FIZ1: variants seen among roughly 807,000 people sequenced by gnomAD.
FIZ1 encodes the protein FLT3 interacting zinc finger 1.
Under a neutral mutation model 5.3 loss-of-function variants are expected in FIZ1, and 2 were observed. The ratio of observed to expected loss-of-function variants is 0.37; its 90% confidence interval spans 0.15 to 1.18. FIZ1 has a LOEUF of 1.18. FIZ1 is among the 50% of genes most tolerant of loss of function. The probability of loss-of-function intolerance (pLI) is 0.37; values close to 1 mark genes in which losing one functional copy is unlikely to be tolerated. For missense variants in FIZ1, 631 were observed against 749.7 expected, an observed-to-expected ratio of 0.84 and a Z score of 1.85; for synonymous variants, 407 against 364.2, an observed-to-expected ratio of 1.12 and a Z score of -1.34.
Position 55,592,604 on chromosome 19 carries a change from T to A in FIZ1, c.1337A>T (p.Glu446Val). ...CTCGTGGCGGAAGAACTTGCCGCAC[T>A]CCAGGCACGGGAACGGCTTCTCGCC... ...HTGEKPFPCL[E>V]CGKFFRHECY... Residue 446 changes from glutamate to valine, a missense_variant, in exon 3 of 3, where the codon GAG (glutamate) becomes GTG (valine). Coordinates refer to ENST00000221665, the MANE Select transcript of FIZ1 (RefSeq NM_032836.3). The surrounding 1 kb of genome is among the most constrained non-coding windows in gnomAD (Gnocchi z 6.9). 6.2e-7 allele frequency: 1 copy of A among 1,613,526 alleles called. No homozygotes were observed. Among genetic ancestry groups the A allele is most frequent in the Non-Finnish European group, 8.5e-7 (1 of 1,179,836 alleles).
At position 55,593,415 on chromosome 19, in the gene FIZ1, C is replaced by T. The variant is rs927349406; in HGVS notation, c.526G>A (p.Gly176Arg). 2.7e-6 allele frequency: 4 copies of T among 1,492,988 alleles called. No individual in the cohort carries two copies. In the African/African-American group the frequency reaches 4.3e-5, roughly 16 times the overall value. 92.5% of individuals were successfully genotyped at this position (1,492,988 alleles called of 1,614,324 possible). ...CAGCTGCCCAGACCCGCGCCTGCCC[C>T]CTCGGGGCCCTCTCCGCCGCCGGCC... ...SGAGGGEGPE[G>R]AGAGLGSWGL... Residue 176 changes from glycine to arginine, a missense_variant, in exon 3 of 3, where the codon GGG becomes AGG. This residue lies in a region of FIZ1 where 463 missense variants were observed against 455.1 expected (regional missense o/e 1.02). Transcript: ENST00000221665. The surrounding 1 kb of genome is among the most constrained non-coding windows in gnomAD (Gnocchi z 6.3).
At position 55,593,427 on chromosome 19, in the gene FIZ1, C is replaced by G. The variant is rs1470893805; in HGVS notation, c.514G>C (p.Glu172Gln). The G allele has an allele frequency of 1.1e-5, 16 of 1,519,886 alleles. No homozygotes were observed. Among genetic ancestry groups the G allele is most frequent in the Non-Finnish European group, 1.4e-5 (16 of 1,136,738 alleles). 94.1% of individuals were successfully genotyped at this position (1,519,886 alleles called of 1,614,324 possible). ...CCCGCGCCTGCCCCCTCGGGGCCCT[C>G]TCCGCCGCCGGCCCCTGAGCCCCCG... is the stretch of plus-strand genomic sequence containing the variant. ...VCGGSGAGGG[E>Q]GPEGAGAGLG... Residue 172 changes from glutamate to glutamine, a missense_variant, in exon 3 of 3, where the codon GAG becomes CAG. By Grantham distance (29) the Glu-to-Gln change is conservative. Around this residue, in one of 4 missense-constraint regions of FIZ1, gnomAD observed 463 missense variants for 455.1 expected, o/e 1.02. Transcript: ENST00000221665. The surrounding 1 kb of genome is among the most constrained non-coding windows in gnomAD (Gnocchi z 6.3).
At chr19:55,596,407 CAG>C (rs1980328559) in intron 2 of FIZ1, among the ~76,000 whole-genome samples, 1 of 152,146 alleles carries the variant, frequency 6.6e-6, no homozygotes, top group Non-Finnish European at 1.5e-5. Flanking sequence ...GGCACATAGA[CAG>C]AGTGTGACCT....
In FIZ1 at chr19:55,592,479, G is replaced by T; in HGVS notation, c.1462C>A (p.His488Asn). Reference sequence around the variant, plus strand: ...TCCATGCCCCGGTGCAGCTTCAGGTGCCTGGAGAGGTTGCTGAGCGTGATG... The same window carrying T: ...TCCATGCCCCGGTGCAGCTTCAGGTTCCTGGAGAGGTTGCTGAGCGTGATG... Reference protein sequence around the residue: ...GFITLSNLSRHLKLHRGMD With the variant: ...GFITLSNLSRNLKLHRGMD The change falls in exon 3 of 3, where the codon CAC (histidine) becomes AAC (asparagine). Residue 488 changes from histidine (H) to asparagine (N), a missense_variant. Transcript: ENST00000221665. The surrounding 1 kb of genome is among the most constrained non-coding windows in gnomAD (Gnocchi z 6.9). 6.3e-7 allele frequency: 1 copy of T among 1,586,038 alleles called. No individual in the cohort carries two copies. Among genetic ancestry groups the T allele is most frequent in the Admixed American group, 1.8e-5 (1 of 55,284 alleles).
intron 2 of FIZ1, among the ~76,000 whole-genome samples, chr19:55,595,932 C>A (rs1483218087): frequency 6.6e-6 from 1 of 152,206 alleles, no homozygotes; most frequent in East Asian, 1.9e-4. Context: ...CATTGATTAA[C>A]CTAGTTGTTC....
At chr19:55,597,516 ATCCCACCGTAG>A in intron 2 of FIZ1, 45 bp downstream of exon 2, 1 of 1,559,276 alleles carries the variant, frequency 6.4e-7, no homozygotes, top group Non-Finnish European at 8.7e-7. Flanking sequence ...GGGGCGCGGG[ATCCCACCGTAG>A]TCCTGACCAG....
rs1980114193 is a variant in FIZ1 at position 55,593,095 on chromosome 19, C to T, written c.846G>A (p.Ala282=). The T allele has an allele frequency of 5.3e-6, 7 of 1,329,408 alleles. No homozygotes were observed. The highest frequency in any genetic ancestry group is 6.7e-6 in the Non-Finnish European group (7 of 1,045,286). 82.4% of individuals were successfully genotyped at this position (1,329,408 alleles called of 1,614,324 possible). A position where few individuals can be genotyped will look rare whatever the true frequency, so the allele number is the denominator to read the frequency against. The change falls in exon 3 of 3, where the codon GCG becomes GCA. Residue 282 remains alanine (A), a synonymous_variant. Transcript: ENST00000221665. This position sits in a 1 kb window ranked among gnomAD's most constrained non-coding sequence, Gnocchi z 6.3. The part of the protein sequence containing the change: ...ETAGEGTAAE[A]GDAPLASDRR... The stretch of plus-strand genomic sequence containing the variant: ...GGTCCGAAGCCAGAGGAGCGTCGCC[C>T]GCCTCCGCAGCGGTGCCTTCGCCCG...
chr19:55,598,069 C>G, intron 1 of FIZ1, 168 bp from the exon 2 acceptor site: 2 of 819,032 alleles, frequency 2.4e-6, no homozygotes, highest in Non-Finnish European at 3.7e-6. Context: ...CTTAGAAACC[C>G]TTCTCTCGCG....
Position 55,597,461 on chromosome 19 carries a change from G to A in FIZ1, c.294+111C>T, listed in dbSNP as rs533063727. 1.9e-5 allele frequency: 27 copies of A among 1,443,290 alleles called. No individual in the cohort carries two copies. In the East Asian group the frequency reaches 6.0e-4, roughly 32 times the overall value. The allele number at this position is 1,443,290 out of a possible 1,614,324, so 89.4% of individuals were successfully genotyped here. A position where few individuals can be genotyped will look rare whatever the true frequency, so the allele number is the denominator to read the frequency against. ...GGGACATTTTCTAATGGGAGGAGGC[G>A]GGCGCCTAGGCCTTGGGCCAGCTTC... is the stretch of plus-strand genomic sequence containing the variant. On this transcript the variant is annotated intron_variant, in intron 2 of 2. Transcript: ENST00000221665.
At chr19:55,594,961 T>A (rs1980253548) in intron 2 of FIZ1, among the ~76,000 whole-genome samples, 1 of 152,188 alleles carries the variant, frequency 6.6e-6, no homozygotes, top group African/African-American at 2.4e-5. Flanking sequence ...GGGAATCACT[T>A]CCAAGTCTAG....
At position 55,593,215 on chromosome 19, in the gene FIZ1, C is replaced by G; in HGVS notation, c.726G>C (p.Leu242=). 1 of 1,221,528 alleles carries G rather than the reference C, an allele frequency of 8.2e-7. No individual in the cohort carries two copies. Among genetic ancestry groups the G allele is most frequent in the South Asian group, 2.1e-5 (1 of 47,436 alleles). The allele number at this position is 1,221,528 out of a possible 1,614,324, so 75.7% of individuals were successfully genotyped here. The change falls in exon 3 of 3, where the codon CTG becomes CTC. Residue 242 remains leucine, a synonymous_variant. Transcript: ENST00000221665. The surrounding 1 kb of genome is among the most constrained non-coding windows in gnomAD (Gnocchi z 6.3). ...RCERDFNAPA[L]LERHKLTHDL... ...CGTGCGTCAGCTTGTGCCGCTCCAGCAGCGCGGGCGCGTTGAAGTCGCGCT... is the reference window on the plus strand; with the variant it reads ...CGTGCGTCAGCTTGTGCCGCTCCAGGAGCGCGGGCGCGTTGAAGTCGCGCT...
chr19:55,592,821 C>T lies in FIZ1; in HGVS notation c.1120G>A (p.Glu374Lys), dbSNP rs540598696. ...CCGTGGCTGACCCGCCGGTGCTCCTCCAAGGCGGCCAGCGCCGCGTACAGA... is the reference window on the plus strand; with the variant it reads ...CCGTGGCTGACCCGCCGGTGCTCCTTCAAGGCGGCCAGCGCCGCGTACAGA... The part of the protein sequence containing the change: ...GALYAALAAL[E>K]EHRRVSHGEG... The change falls in exon 3 of 3, where the codon GAG becomes AAG. Residue 374 changes from glutamate to lysine, a missense_variant. Glu to Lys is a moderately conservative substitution (Grantham distance 56). Transcript: ENST00000221665. This position sits in a 1 kb window ranked among gnomAD's most constrained non-coding sequence, Gnocchi z 6.9. 3 of 1,576,590 alleles carry T rather than the reference C, an allele frequency of 1.9e-6. No homozygotes were observed. In the African/African-American group the frequency reaches 4.0e-5, roughly 21 times the overall value.
chr19:55,593,597 C>T lies in FIZ1; in HGVS notation c.344G>A (p.Arg115His). The change falls in exon 3 of 3, where the codon CGC becomes CAC. Residue 115 changes from arginine to histidine, a missense_variant. By Grantham distance (29) the Arg-to-His change is conservative (BLOSUM62 0). Around this residue, in one of 4 missense-constraint regions of FIZ1, gnomAD observed 68 missense variants for 163.4 expected, o/e 0.42. Transcript: ENST00000221665. This position sits in a 1 kb window ranked among gnomAD's most constrained non-coding sequence, Gnocchi z 6.3. ...GCCCAGGCTGGAGCGTGAGGAGAAGCGGAGCTCGCAGACCAGGCAGCAGTA... is the reference window on the plus strand; with the variant it reads ...GCCCAGGCTGGAGCGTGAGGAGAAGTGGAGCTCGCAGACCAGGCAGCAGTA... The part of the protein sequence containing the change: ...KPYCCLVCEL[R>H]FSSRSSLGRH... 2 of 1,551,384 alleles carry T rather than the reference C, an allele frequency of 1.3e-6. No individual in the cohort carries two copies. The highest frequency in any genetic ancestry group is 1.7e-6 in the Non-Finnish European group (2 of 1,146,982).
Position 55,593,749 on chromosome 19 carries a change from C to T in FIZ1, c.295-103G>A. On this transcript the variant is annotated intron_variant, in intron 2 of 2. Coordinates refer to ENST00000221665, the MANE Select transcript of FIZ1 (RefSeq NM_032836.3). This position sits in a 1 kb window ranked among gnomAD's most constrained non-coding sequence, Gnocchi z 6.3. Reference sequence around the variant, plus strand: ...GTTGTGGCACAAGCTCTCTGTCACACCTACAGGGCCATGATCTAGGGAAAC... The same window carrying T: ...GTTGTGGCACAAGCTCTCTGTCACATCTACAGGGCCATGATCTAGGGAAAC... 9.8e-7 allele frequency: 1 copy of T among 1,019,094 alleles called. No individual in the cohort carries two copies. 63.1% of individuals were successfully genotyped at this position (1,019,094 alleles called of 1,614,324 possible).
At chr19:55,595,255 C>A (rs924781108) in intron 2 of FIZ1, among the ~76,000 whole-genome samples, 1 of 152,146 alleles carries the variant, frequency 6.6e-6, no homozygotes, top group Non-Finnish European at 1.5e-5. Context: ...GAGTGATGTT[C>A]ATTTGCCTTT....
intron 2 of FIZ1, among the ~76,000 whole-genome samples, chr19:55,597,319 G>C (rs555738352): frequency 6.6e-6 from 1 of 152,218 alleles, no homozygotes; most frequent in Non-Finnish European, 1.5e-5. Context: ...GAGATGGGGC[G>C]GGCAGGAGCC....
chr19:55,597,987 G>C, intron 1 of FIZ1, 86 bp from the exon 2 acceptor site: 1 of 1,393,432 alleles, frequency 7.2e-7, no homozygotes, highest in East Asian at 2.5e-5. Flanking sequence ...CCCACCACCT[G>C]TCCCCTGGGA....
intron 2 of FIZ1, among the ~76,000 whole-genome samples, chr19:55,597,057 T>G (rs546428569): frequency 1.1e-3 from 168 of 152,340 alleles, no homozygotes; most frequent in African/African-American, 4.0e-3. Context: ...TCTTGTCTAC[T>G]TGGCTACTGA....
In FIZ1 at chr19:55,593,551, G is replaced by A. The variant is rs1255334873; in HGVS notation, c.390C>T (p.His130=). ...GCAGGGGAGAGGGGAGAACCCCACG[G>A]TGCTGGCGCTTGAGGTGGCGGCCCA... ...SSLGRHLKRQ[H]RGVLPSPLQP... The change falls in exon 3 of 3, where the codon CAC becomes CAT. Residue 130 remains histidine (H), a synonymous_variant. Coordinates refer to ENST00000221665, the MANE Select transcript of FIZ1 (RefSeq NM_032836.3). The surrounding 1 kb of genome is among the most constrained non-coding windows in gnomAD (Gnocchi z 6.3). 4 of 1,551,096 alleles carry A rather than the reference G, an allele frequency of 2.6e-6. No individual in the cohort carries two copies. The highest frequency in any genetic ancestry group is 3.5e-6 in the Non-Finnish European group (4 of 1,146,938).
Sources: gnomAD v4.1 joint callset for allele counts (sites outside exome capture counted in the v4.1 genomes callset) on GRCh38, gnomAD v4.1.1 for gene constraint, gnomAD v4.1.1 regional missense constraint, Gnocchi (gnomAD v3.1) non-coding constraint, MANE v1.5 for transcripts, NCBI Gene and HGNC (gene_info 2026-07-23, HGNC 2026-07-21) for gene names.